PAPOLB: variants seen among roughly 807,000 people sequenced by gnomAD.
The protein encoded by PAPOLB is poly(A) polymerase beta.
A neutral mutation model predicts 23.2 loss-of-function variants in PAPOLB; 19 were observed. The ratio of observed to expected loss-of-function variants is 0.82; its 90% CI spans 0.57 to 1.20. The LOEUF (loss-of-function observed/expected upper bound fraction) is 1.20, where lower values mean the gene tolerates loss of function less well. Ranked by LOEUF, PAPOLB falls within the 50% of genes most tolerant of loss-of-function variation. The pLI, the probability that PAPOLB is intolerant of heterozygous loss-of-function variation, is 0.00. For synonymous variants in PAPOLB, 360 were observed against 290.7 expected (o/e 1.24, Z -2.43); for missense variants, 822 against 776.8 (o/e 1.06, Z -0.69).
rs1162702276 is a variant in PAPOLB, at chr7:4,857,941, G to A, written c.*1956C>T. On this transcript the variant is annotated 3_prime_UTR_variant, in exon 1 of 1. Coordinates refer to ENST00000404991, the MANE Select transcript of PAPOLB (RefSeq NM_020144.5). ...CCCAAGGTTCCAGCTTGGTAAAACA[G>A]ACACAGTTACAGGTAATGTTTAATA... 6.6e-6 allele frequency: 1 copy of A among 152,570 alleles called. No homozygotes were observed. Among genetic ancestry groups the A allele is most frequent in the Non-Finnish European group, 1.5e-5 (1 of 68,016 alleles). 9.5% of individuals were successfully genotyped at this position (152,570 alleles called of 1,614,324 possible).
Position 4,859,770 on chromosome 7 carries a change from T to C in PAPOLB, c.*127A>G, listed in dbSNP as rs780311978. 3.2e-5 allele frequency: 20 copies of C among 631,586 alleles called. No homozygotes were observed. Among genetic ancestry groups the C allele is most frequent in the African/African-American group, 7.4e-5 (4 of 54,382 alleles). The allele number at this position is 631,586 out of a possible 1,614,324, so 39.1% of individuals were successfully genotyped here. A position where few individuals can be genotyped will look rare whatever the true frequency, so the allele number is the denominator to read the frequency against. ...ATACTGATGTTCCCTGAGAGGCCAATAGAGAAGATGCTGTCTGAATTTTTC... is the reference window on the plus strand; with the variant it reads ...ATACTGATGTTCCCTGAGAGGCCAACAGAGAAGATGCTGTCTGAATTTTTC... On this transcript the variant is annotated 3_prime_UTR_variant, in exon 1 of 1. Coordinates refer to ENST00000404991, the MANE Select transcript of PAPOLB (RefSeq NM_020144.5).
At position 4,860,774 on chromosome 7, in the gene PAPOLB, A is replaced by C; in HGVS notation, c.1037T>G (p.Leu346Arg). The change falls in exon 1 of 1, where the codon CTT becomes CGT. Residue 346 changes from leucine to arginine, a missense_variant. Coordinates refer to ENST00000404991, the MANE Select transcript of PAPOLB (RefSeq NM_020144.5). ...TAGCAAAATCTCGTGTGTGATAGCAAGCCCCTGTTTAAACTCCTCAATCAT... is the reference window on the plus strand; with the variant it reads ...TAGCAAAATCTCGTGTGTGATAGCACGCCCCTGTTTAAACTCCTCAATCAT... ...MVMIEEFKQG[L>R]AITHEILLSK... The C allele has an allele frequency of 6.2e-7, 1 of 1,614,206 alleles. No homozygotes were observed.
In PAPOLB at chr7:4,861,687, T is replaced by G; in HGVS notation, c.124A>C (p.Arg42=). The part of the protein sequence containing the change: ...PKETDCLLTQ[R]LIETLRPFGV... ...AAGGGCCTGAGGGTTTCTATTAGCC[T>G]CTGGGTGAGGAGGCAGTCCGTCTCC... Residue 42 remains arginine (R), a synonymous_variant, in exon 1 of 1, where the codon AGG becomes CGG. Transcript: ENST00000404991. 6.3e-7 allele frequency: 1 copy of G among 1,586,782 alleles called. No individual in the cohort carries two copies. Among genetic ancestry groups the G allele is most frequent in the Non-Finnish European group, 8.6e-7 (1 of 1,167,694 alleles).
rs1783933006 is a variant in PAPOLB at position 4,859,915 on chromosome 7, T to C, written c.1896A>G (p.Gln632=). 1 of 1,610,702 alleles carries C rather than the reference T, an allele frequency of 6.2e-7. No individual in the cohort carries two copies. Among genetic ancestry groups the C allele is most frequent in the Non-Finnish European group, 8.5e-7 (1 of 1,177,204 alleles). ...ACTCCAACTATAGGATTAGATATGTTTGTTGCTGAGTTTCCTGAAGGTCTG... is the reference window on the plus strand; with the variant it reads ...ACTCCAACTATAGGATTAGATATGTCTGTTGCTGAGTTTCCTGAAGGTCTG... The part of the protein sequence containing the change: ...SHPDLQETQQ[Q]TYLIL The change falls in exon 1 of 1, where the codon CAA becomes CAG. Residue 632 remains glutamine (Q), a synonymous_variant. Coordinates refer to ENST00000404991, the MANE Select transcript of PAPOLB (RefSeq NM_020144.5).
chr7:4,859,581 C>A lies in PAPOLB; in HGVS notation c.*316G>T. The A allele has an allele frequency of 3.3e-6, 1 of 306,226 alleles. No individual in the cohort carries two copies. The highest frequency in any genetic ancestry group is 6.1e-6 in the Non-Finnish European group (1 of 162,798). The allele number at this position is 306,226 out of a possible 1,614,324, so 19.0% of individuals were successfully genotyped here. A position where few individuals can be genotyped will look rare whatever the true frequency, so the allele number is the denominator to read the frequency against. On this transcript the variant is annotated 3_prime_UTR_variant, in exon 1 of 1. Transcript: ENST00000404991. ...AATCTATTTCAAGTCATATCTAGTCCCGTACCCCTCATTCTCCTTCCTTAG... is the reference window on the plus strand; with the variant it reads ...AATCTATTTCAAGTCATATCTAGTCACGTACCCCTCATTCTCCTTCCTTAG...
chr7:4,860,205 C>T lies in PAPOLB; in HGVS notation c.1606G>A (p.Val536Met), dbSNP rs573330759. 4.3e-6 allele frequency: 7 copies of T among 1,614,046 alleles called. No individual in the cohort carries two copies. The South Asian group carries it at 6.6e-5, about 15-fold the overall frequency. ...LSAGCENSMS[V>M]PSSTSTMKTG... ...TTCATAGTGCTAGTAGATGAAGGCACAGACATGCTGTTTTCACAGCCTGCA... is the reference window on the plus strand; with the variant it reads ...TTCATAGTGCTAGTAGATGAAGGCATAGACATGCTGTTTTCACAGCCTGCA... The change falls in exon 1 of 1, where the codon GTG becomes ATG. Residue 536 changes from valine (V) to methionine (M), a missense_variant. Val to Met is a conservative substitution (Grantham distance 21). This residue lies in a region of PAPOLB where 534 missense variants were observed against 502.8 expected (regional missense o/e 1.06). Coordinates refer to ENST00000404991, the MANE Select transcript of PAPOLB (RefSeq NM_020144.5).
rs758239625 is a variant in PAPOLB, at chr7:4,861,720, C to T, written c.91G>A (p.Val31Ile). Residue 31 changes from valine (V) to isoleucine (I), a missense_variant, in exon 1 of 1, where the codon GTC becomes ATC. Physicochemically the swap from Val to Ile is conservative, Grantham distance 29 (BLOSUM62 3). Coordinates refer to ENST00000404991, the MANE Select transcript of PAPOLB (RefSeq NM_020144.5). ...AGGAGGCAGTCCGTCTCCTTGGGGA[C>T]CGCTAGACTGATAGGCGAGGAGACG... Reference protein sequence around the residue: ...YGVSSPISLAVPKETDCLLTQ... With the variant: ...YGVSSPISLAIPKETDCLLTQ... 1.3e-6 allele frequency: 2 copies of T among 1,544,962 alleles called. No individual in the cohort carries two copies. Among genetic ancestry groups the T allele is most frequent in the Non-Finnish European group, 1.7e-6 (2 of 1,148,512 alleles).
rs1419208889 is a variant in PAPOLB, at chr7:4,859,458, G to A, written c.*439C>T. ...GTCCTTTGAAATAGTTAATGTAACT[G>A]TTGCTGATACATTAATAACAGTACC... On this transcript the variant is annotated 3_prime_UTR_variant, in exon 1 of 1. Coordinates refer to ENST00000404991, the MANE Select transcript of PAPOLB (RefSeq NM_020144.5). 2 of 160,800 alleles carry A rather than the reference G, an allele frequency of 1.2e-5. No homozygotes were observed. Among genetic ancestry groups the A allele is most frequent in the South Asian group, 1.8e-4 (1 of 5,418 alleles). 10.0% of individuals were successfully genotyped at this position (160,800 alleles called of 1,614,324 possible). A position where few individuals can be genotyped will look rare whatever the true frequency, so the allele number is the denominator to read the frequency against.
At position 4,860,652 on chromosome 7, in the gene PAPOLB, G is replaced by T. The variant is rs528164345; in HGVS notation, c.1159C>A (p.Gln387Lys). Reference protein sequence around the residue: ...VLLASASTEKQHLEWVGLVES... With the variant: ...VLLASASTEKKHLEWVGLVES... The stretch of plus-strand genomic sequence containing the variant: ...ACCAAGCCCACCCATTCTAAATGTT[G>T]TTTTTCTGTTGATGCACTTGCCAGA... Residue 387 changes from glutamine to lysine, a missense_variant, in exon 1 of 1, where the codon CAA (glutamine) becomes AAA (lysine). By Grantham distance (53) the Gln-to-Lys change is moderately conservative (BLOSUM62 1). Coordinates refer to ENST00000404991, the MANE Select transcript of PAPOLB (RefSeq NM_020144.5). 207 of 1,614,116 alleles carry T rather than the reference G, an allele frequency of 1.3e-4. 3 individuals carry two copies. The South Asian group carries it at 1.4e-3, about 11-fold the overall frequency.
In PAPOLB at chr7:4,860,454, G is replaced by C; in HGVS notation, c.1357C>G (p.Leu453Val). The change falls in exon 1 of 1, where the codon CTC becomes GTC. Residue 453 changes from leucine (L) to valine (V), a missense_variant. This residue lies in a region of PAPOLB where 534 missense variants were observed against 502.8 expected (regional missense o/e 1.06). Transcript: ENST00000404991. The part of the protein sequence containing the change: ...GLKKPDNSEI[L>V]SIDLTYDIQS... ...ATATCATAGGTGAGATCAATGCTGA[G>C]AATTTCAGAATTATCTGGCTTTTTT... 1 of 1,614,156 alleles carries C rather than the reference G, an allele frequency of 6.2e-7. No homozygotes were observed. The highest frequency in any genetic ancestry group is 8.5e-7 in the Non-Finnish European group (1 of 1,179,996).
In PAPOLB at chr7:4,859,729, G is replaced by C; in HGVS notation, c.*168C>G. ...GAATTGGATTTGCAGGGAGAACAGGGATACCGGAAAGATCTATACTGATGT... is the reference window on the plus strand; with the variant it reads ...GAATTGGATTTGCAGGGAGAACAGGCATACCGGAAAGATCTATACTGATGT... On this transcript the variant is annotated 3_prime_UTR_variant, in exon 1 of 1. Transcript: ENST00000404991. The C allele has an allele frequency of 5.0e-6, 3 of 597,780 alleles. No individual in the cohort carries two copies. Among genetic ancestry groups the C allele is most frequent in the Non-Finnish European group, 5.9e-6 (2 of 337,972 alleles). 37.0% of individuals were successfully genotyped at this position (597,780 alleles called of 1,614,324 possible).
At position 4,862,003 on chromosome 7, in the gene PAPOLB, A is replaced by T; in HGVS notation, c.-193T>A. The T allele has an allele frequency of 2.3e-6, 1 of 435,012 alleles. No homozygotes were observed. The highest frequency in any genetic ancestry group is 4.1e-6 in the Non-Finnish European group (1 of 245,318). The allele number at this position is 435,012 out of a possible 1,614,324, so 26.9% of individuals were successfully genotyped here. A position where few individuals can be genotyped will look rare whatever the true frequency, so the allele number is the denominator to read the frequency against. ...CCCCTCAGCCCCAACATGGCGCCAG[A>T]CCCCTCAGCGGCTGCGTTCCAGAAC... is the stretch of plus-strand genomic sequence containing the variant. On this transcript the variant is annotated 5_prime_UTR_variant, in exon 1 of 1. Coordinates refer to ENST00000404991, the MANE Select transcript of PAPOLB (RefSeq NM_020144.5).
In PAPOLB at chr7:4,860,608, G is replaced by A. The variant is rs1332799219; in HGVS notation, c.1203C>T (p.Ile401=). The change falls in exon 1 of 1, where the codon ATC becomes ATT. Residue 401 remains isoleucine (I), a synonymous_variant. Coordinates refer to ENST00000404991, the MANE Select transcript of PAPOLB (RefSeq NM_020144.5). ...CATTCTTCTCCAAGCTCCCAACCAG[G>A]ATTCGGATCTTTGATTCCACCAAGC... ...WVGLVESKIR[I]LVGSLEKNEF... 3 of 1,613,988 alleles carry A rather than the reference G, an allele frequency of 1.9e-6. No individual in the cohort carries two copies. In the Admixed American group the frequency reaches 5.0e-5, roughly 27 times the overall value.
In PAPOLB at chr7:4,860,710, G is replaced by A. The variant is rs17135247; in HGVS notation, c.1101C>T (p.Ser367=). 424,975 of 1,613,628 alleles carry A rather than the reference G, an allele frequency of 0.26. 58,722 individuals carry two copies. The highest frequency in any genetic ancestry group is 0.36 in the South Asian group (33,093 of 91,068). ...TATAATGCTTGTACTTTTGAAAGAA[G>A]CTTGGAGCTTCAAAGAGTTTGGACC... ...AEWSKLFEAP[S]FFQKYKHYIV... Residue 367 remains serine, a synonymous_variant, in exon 1 of 1, where the codon AGC becomes AGT. Coordinates refer to ENST00000404991, the MANE Select transcript of PAPOLB (RefSeq NM_020144.5).
In PAPOLB at chr7:4,861,492, C is replaced by G; in HGVS notation, c.319G>C (p.Gly107Arg). The stretch of plus-strand genomic sequence containing the variant: ...ATATCTGCGCCTTTCGTATGTACTC[C>G]TAATCTGTAAGAGCCAAACGTAAAA... ...KIFTFGSYRL[G>R]VHTKGADIDA... is the part of the protein sequence containing the mutation. The change falls in exon 1 of 1, where the codon GGA becomes CGA. Residue 107 changes from glycine (G) to arginine (R), a missense_variant. Transcript: ENST00000404991. The G allele has an allele frequency of 6.2e-7, 1 of 1,614,118 alleles. No individual in the cohort carries two copies. The highest frequency in any genetic ancestry group is 8.5e-7 in the Non-Finnish European group (1 of 1,179,940).
At position 4,857,998 on chromosome 7, in the gene PAPOLB, T is replaced by C. The variant is rs988600414; in HGVS notation, c.*1899A>G. ...TTTTTTTCCCAATGTGTAAACAAAA[T>C]GACCAGACTAAATTTGTGCCTGGCC... is the stretch of plus-strand genomic sequence containing the variant. On this transcript the variant is annotated 3_prime_UTR_variant, in exon 1 of 1. Coordinates refer to ENST00000404991, the MANE Select transcript of PAPOLB (RefSeq NM_020144.5). 6.6e-6 allele frequency: 1 copy of C among 152,614 alleles called. No homozygotes were observed. The highest frequency in any genetic ancestry group is 1.5e-5 in the Non-Finnish European group (1 of 68,030). The allele number at this position is 152,614 out of a possible 1,614,324, so 9.5% of individuals were successfully genotyped here. A position where few individuals can be genotyped will look rare whatever the true frequency, so the allele number is the denominator to read the frequency against.
rs1452529280 is a variant in PAPOLB at position 4,861,415 on chromosome 7, G to A, written c.396C>T (p.Thr132=). ...PSHVDRSDFF[T]SFYAKLKLQE... is the part of the protein sequence containing the mutation. ...GTAGTTTCAGTTTAGCATAGAATGAGGTGAAAAAGTCGCTTCGATCCACAT... is the reference window on the plus strand; with the variant it reads ...GTAGTTTCAGTTTAGCATAGAATGAAGTGAAAAAGTCGCTTCGATCCACAT... The change falls in exon 1 of 1, where the codon ACC becomes ACT. Residue 132 remains threonine (T), a synonymous_variant. Coordinates refer to ENST00000404991, the MANE Select transcript of PAPOLB (RefSeq NM_020144.5). 3.7e-6 allele frequency: 6 copies of A among 1,614,132 alleles called. No homozygotes were observed. Among genetic ancestry groups the A allele is most frequent in the Middle Eastern group, 1.6e-4 (1 of 6,062 alleles).
chr7:4,859,092 T>C lies in PAPOLB; in HGVS notation c.*805A>G, dbSNP rs1209765634. On this transcript the variant is annotated 3_prime_UTR_variant, in exon 1 of 1. Transcript: ENST00000404991. ...TTGATGTCAAAAACATACCTTAAAG[T>C]TGACATTTCATTTTAAAGGGTTACA... 6.6e-6 allele frequency: 1 copy of C among 152,158 alleles called. No individual in the cohort carries two copies. The highest frequency in any genetic ancestry group is 2.1e-4 in the South Asian group (1 of 4,826). 9.4% of individuals were successfully genotyped at this position (152,158 alleles called of 1,614,324 possible). A position where few individuals can be genotyped will look rare whatever the true frequency, so the allele number is the denominator to read the frequency against.
Position 4,860,964 on chromosome 7 carries a change from G to A in PAPOLB, c.847C>T (p.Pro283Ser). 1 of 1,614,186 alleles carries A rather than the reference G, an allele frequency of 6.2e-7. No individual in the cohort carries two copies. The highest frequency in any genetic ancestry group is 8.5e-7 in the Non-Finnish European group (1 of 1,180,038). The stretch of plus-strand genomic sequence containing the variant: ...GGCTCCTTCAGTAACACTGGGTTTG[G>A]CCATTCCCATTCTGAAAATACCAAG... ...FFLVFSEWEW[P>S]NPVLLKEPEE... Residue 283 changes from proline to serine, a missense_variant, in exon 1 of 1, where the codon CCA becomes TCA. Physicochemically the swap from Pro to Ser is moderately conservative, Grantham distance 74 (BLOSUM62 -1). Transcript: ENST00000404991.
Sources: allele counts gnomAD v4.1 joint callset, GRCh38; gene constraint gnomAD v4.1.1; regional missense constraint gnomAD v4.1.1; transcripts MANE v1.5; gene names NCBI Gene and HGNC (gene_info 2026-07-23, HGNC 2026-07-21).